PTPRD: variants seen among roughly 807,000 people sequenced by gnomAD.
PTPRD encodes receptor-type tyrosine-protein phosphatase delta.
In PTPRD, 34 loss-of-function variants were observed where a neutral mutation model predicts 214.5. The ratio of observed to expected loss-of-function variants is 0.16; its 90% CI spans 0.12 to 0.21. The LOEUF (loss-of-function observed/expected upper bound fraction) is 0.21. Among genes scored for constraint, PTPRD ranks in the 10% least tolerant of loss-of-function variants. PTPRD has a pLI of 1.00. For missense variants in PTPRD, 2,545 were observed against 2,398.7 expected (o/e 1.06, Z -1.27); for synonymous variants, 1,128 against 845.7 (o/e 1.33, Z -5.79).
At chr9:10,333,399 C>A (rs1237254665) in intron 3 of PTPRD, among the ~76,000 whole-genome samples, 3 of 151,702 alleles carry the variant, frequency 2.0e-5, no homozygotes, top group Non-Finnish European at 4.4e-5. Flanking sequence ...TTATTTTCTT[C>A]CTTTGGCAGC....
At position 8,934,520 on chromosome 9, in the gene PTPRD, A is replaced by ATATATAAAT. The variant is rs2098982871; in HGVS notation, c.-104+84176_-104+84177insATTTATATA. Among the ~76,000 whole-genome samples, 12 of 17,074 alleles carry ATATATAAAT rather than the reference A, an allele frequency of 7.0e-4. 1 individual carries two copies. Among genetic ancestry groups the ATATATAAAT allele is most frequent in the South Asian group, 2.0e-3 (1 of 506 alleles). The allele number at this position is 17,074 out of a possible 152,430, so 11.2% of individuals were successfully genotyped here. On this transcript the variant is annotated intron_variant, in intron 11 of 45. Coordinates refer to ENST00000381196, the MANE Select transcript of PTPRD (RefSeq NM_002839.4). Reference sequence around the variant, plus strand: ...ATATATATATAAATATATATATATAAATATATATATATATGGGAAACCATA... The same window carrying ATATATAAAT: ...ATATATATATAAATATATATATATAATATATAAATATATATATATATATGGGAAACCATA...
At chr9:9,546,906 C>T (rs577472867) in intron 8 of PTPRD, among the ~76,000 whole-genome samples, 11 of 151,234 alleles carry the variant, frequency 7.3e-5, no homozygotes, top group Admixed American at 2.0e-4. Flanking sequence ...AACCCTATTA[C>T]ATGGGTAGTG....
intron 9 of PTPRD, among the ~76,000 whole-genome samples, chr9:9,363,881 A>G (rs1412232870): frequency 2.6e-5 from 4 of 151,402 alleles, no homozygotes; most frequent in Non-Finnish European, 1.5e-5. Context: ...TTTACTTTGC[A>G]TTATAGTTTT....
At chr9:10,232,936 C>T (rs2099616599) in intron 3 of PTPRD, among the ~76,000 whole-genome samples, 1 of 150,124 alleles carries the variant, frequency 6.7e-6, no homozygotes, top group Non-Finnish European at 1.5e-5. Flanking sequence ...TCCATTCTTC[C>T]TCACTATCAT....
chr9:10,069,483 T>C (rs1327534610), intron 3 of PTPRD, among the ~76,000 whole-genome samples: 2 of 152,002 alleles, frequency 1.3e-5, no homozygotes, highest in African/African-American at 4.8e-5. Context: ...ATTTTTTAAT[T>C]GTGAATAGCT....
intron 19 of PTPRD, 152 bp from the exon 20 acceptor site, chr9:8,521,698 C>T: frequency 1.2e-6 from 1 of 822,190 alleles, no homozygotes; most frequent in Non-Finnish European, 1.9e-6. Flanking sequence ...GTGGATAATA[C>T]AGACCATACA....
chr9:9,166,907 C>A (rs977928110), intron 10 of PTPRD, among the ~76,000 whole-genome samples: 1 of 152,096 alleles, frequency 6.6e-6, no homozygotes, highest in African/African-American at 2.4e-5. Flanking sequence ...CCAAAGCCAC[C>A]ACCTATTTTT....
At position 8,341,250 on chromosome 9, in the gene PTPRD, C is replaced by A. The variant is rs2132442271; in HGVS notation, c.4966G>T (p.Ala1656Ser). ...GCACTGATAAACCTTGAGGTGTGAG[C>A]TTTTGAGCTGGCTAGACGCTGTTGA... Reference protein sequence around the residue: ...LEFKRLASSKAHTSRFISANL... With the variant: ...LEFKRLASSKSHTSRFISANL... Residue 1656 changes from alanine (A) to serine (S), a missense_variant, in exon 41 of 46, where the codon GCT (alanine) becomes TCT (serine). By Grantham distance (99) the Ala-to-Ser change is moderately conservative. Coordinates refer to ENST00000381196, the MANE Select transcript of PTPRD (RefSeq NM_002839.4). 1 of 1,608,334 alleles carries A rather than the reference C, an allele frequency of 6.2e-7. No homozygotes were observed. The highest frequency in any genetic ancestry group is 1.7e-5 in the Admixed American group (1 of 59,446).
At chr9:10,335,491 C>T (rs2096828830) in intron 3 of PTPRD, among the ~76,000 whole-genome samples, 1 of 151,582 alleles carries the variant, frequency 6.6e-6, no homozygotes, top group African/African-American at 2.4e-5. Context: ...AACTATGAAA[C>T]TCTTACAAGA....
chr9:9,947,887 A>T (rs1181475358), intron 4 of PTPRD, among the ~76,000 whole-genome samples: 1 of 151,424 alleles, frequency 6.6e-6, no homozygotes, highest in Non-Finnish European at 1.5e-5. Flanking sequence ...ATTTTTAGAT[A>T]GAATGAATCA....
intron 11 of PTPRD, among the ~76,000 whole-genome samples, chr9:8,981,950 A>T (rs1269195864): frequency 3.9e-5 from 6 of 152,052 alleles, no homozygotes; most frequent in Non-Finnish European, 7.4e-5. Flanking sequence ...CTCTAGGATG[A>T]TTTAATCTCG....
intron 11 of PTPRD, among the ~76,000 whole-genome samples, chr9:8,799,734 T>A (rs1328264190): frequency 1.3e-5 from 2 of 152,156 alleles, no homozygotes; most frequent in Admixed American, 1.3e-4. Context: ...TTCTTTTATG[T>A]TTAGATACAT....
At chr9:10,073,679 G>T (rs1175608014) in intron 3 of PTPRD, among the ~76,000 whole-genome samples, 1 of 151,912 alleles carries the variant, frequency 6.6e-6, no homozygotes, top group Non-Finnish European at 1.5e-5. Context: ...GAGGAAAGAG[G>T]TCTCATCAGC....
At chr9:9,142,236 G>A (rs10977526) in intron 10 of PTPRD, among the ~76,000 whole-genome samples, 32,293 of 152,106 alleles carry the variant, frequency 0.21, 4,021 homozygotes, top group Non-Finnish European at 0.27. Context: ...GTGTGCTGGC[G>A]CCATCTCCAG....
At chr9:9,437,216 T>G (rs1366687883) in intron 8 of PTPRD, among the ~76,000 whole-genome samples, 3 of 152,204 alleles carry the variant, frequency 2.0e-5, no homozygotes, top group African/African-American at 4.8e-5. Context: ...CTCTTCCACA[T>G]AACAGATTTT....
At chr9:9,628,309 G>A (rs2095484966) in intron 7 of PTPRD, among the ~76,000 whole-genome samples, 1 of 152,094 alleles carries the variant, frequency 6.6e-6, no homozygotes, top group Admixed American at 6.5e-5. Context: ...TCTTACAGGG[G>A]CTTATTCCAT....
chr9:8,757,807 T>C (rs1565837585), intron 11 of PTPRD, among the ~76,000 whole-genome samples: 1 of 152,072 alleles, frequency 6.6e-6, no homozygotes. Flanking sequence ...AAAAAACTTA[T>C]TCAAATTAAA....
At chr9:10,086,777 C>A (rs1031665302) in intron 3 of PTPRD, among the ~76,000 whole-genome samples, 3 of 151,816 alleles carry the variant, frequency 2.0e-5, no homozygotes, top group Non-Finnish European at 4.4e-5. Flanking sequence ...GCTGTTGCAA[C>A]TTTTCTTTCA....
chr9:9,656,333 G>A (rs1327224078), intron 7 of PTPRD, among the ~76,000 whole-genome samples: 1 of 152,116 alleles, frequency 6.6e-6, no homozygotes, highest in African/African-American at 2.4e-5. Context: ...GAGCTTTATT[G>A]ACAATTGTCA....
Sources: gnomAD v4.1 joint callset for allele counts (sites outside exome capture counted in the v4.1 genomes callset) on GRCh38, gnomAD v4.1.1 for gene constraint, MANE v1.5 for transcripts, NCBI Gene and HGNC (gene_info 2026-07-23, HGNC 2026-07-21) for gene names.